RBM10: variants seen among roughly 807,000 people sequenced by gnomAD.
RBM10 encodes RNA binding motif protein 10.
Under a neutral mutation model 84.9 loss-of-function variants are expected in RBM10, and 1 was observed. The ratio of observed to expected loss-of-function variants is 0.01; its 90% CI spans 0.00 to 0.06. RBM10 has a LOEUF of 0.06. RBM10 is among the 10% of genes least tolerant of loss of function. The pLI is 1.00. For missense variants in RBM10, 438 were observed against 839.0 expected (o/e 0.52, Z 5.90); for synonymous variants, 326 against 344.5 (o/e 0.95, Z 0.60).
At chrX:47,152,561 C>T (rs1463530573) in intron 2 of RBM10, among the ~76,000 whole-genome samples, 1 of 103,770 alleles carries the variant, frequency 9.6e-6, no homozygotes, top group African/African-American at 3.6e-5. Context: ...ATTCTCCTGC[C>T]TCAGCCTTCC....
rs1263748348 is a variant in RBM10 at position 47,185,046 on chromosome X, C to T, written c.1951-9C>T. 1.7e-6 allele frequency: 2 copies of T among 1,204,599 alleles called. No individual in the cohort carries two copies. ...GTTCTGGGAACCTCACCTCCACCCT[C>T]ACCCCCAGATTGCCAAGGACATGGA... On this transcript the variant is annotated splice_polypyrimidine_tract_variant and intron_variant, in intron 17 of 23. Transcript: ENST00000377604.
chrX:47,186,654 G>A lies in RBM10; in HGVS notation c.*55G>A, dbSNP rs2147229796. 2 of 1,199,967 alleles carry A rather than the reference G, an allele frequency of 1.7e-6. No homozygotes were observed. Among genetic ancestry groups the A allele is most frequent in the Admixed American group, 4.3e-5 (2 of 46,030 alleles). ...TGGGTGTCCATCCTGGGGCAGGGAA[G>A]GACAGAGTGTTGGATGGCTGGGACG... On this transcript the variant is annotated 3_prime_UTR_variant, in exon 24 of 24. Coordinates refer to ENST00000377604, the MANE Select transcript of RBM10 (RefSeq NM_005676.5).
At chrX:47,161,790 C>T (rs1933723409) in intron 2 of RBM10, among the ~76,000 whole-genome samples, 1 of 110,637 alleles carries the variant, frequency 9.0e-6, no homozygotes, top group Non-Finnish European at 1.9e-5. Context: ...CCTCATCCTC[C>T]CAAAGTGCTG....
At chrX:47,162,088 G>A (rs889422925) in intron 2 of RBM10, among the ~76,000 whole-genome samples, 2 of 111,852 alleles carry the variant, frequency 1.8e-5, no homozygotes, top group Non-Finnish European at 3.8e-5. Context: ...TGATCCGCCT[G>A]CCTTGGCCTC....
intron 3 of RBM10, 66 bp from the exon 4 acceptor site, chrX:47,170,962 G>A: frequency 9.0e-7 from 1 of 1,113,902 alleles, no homozygotes. Flanking sequence ...AGAGCCAGCG[G>A]CCAGCTCCTA....
At chrX:47,179,272 T>G in intron 8 of RBM10, 47 bp from the exon 9 acceptor site, 1 of 1,186,545 alleles carries the variant, frequency 8.4e-7, no homozygotes, top group Non-Finnish European at 1.1e-6. Context: ...TGACCAGTCG[T>G]GGAGCCTTCC....
intron 2 of RBM10, among the ~76,000 whole-genome samples, chrX:47,150,890 T>A (rs1406435826): frequency 8.9e-6 from 1 of 112,020 alleles, no homozygotes; most frequent in Non-Finnish European, 1.9e-5. Context: ...AACTTCTCTA[T>A]TAATTTGGGG....
intron 2 of RBM10, among the ~76,000 whole-genome samples, chrX:47,166,067 C>G (rs185047434): frequency 1.8e-5 from 2 of 110,167 alleles, no homozygotes; most frequent in Non-Finnish European, 3.8e-5. Context: ...TATATTTTAC[C>G]ACAATACAAA....
At chrX:47,183,508 C>T (rs1484823234) in intron 17 of RBM10, among the ~76,000 whole-genome samples, 15 of 107,808 alleles carry the variant, frequency 1.4e-4, no homozygotes, top group African/African-American at 4.4e-4. Flanking sequence ...GCAACAAGAA[C>T]GAGACTCCTT....
At chrX:47,173,915 C>CTCTG (rs1934884094) in intron 5 of RBM10, among the ~76,000 whole-genome samples, 2 of 100,708 alleles carry the variant, frequency 2.0e-5, no homozygotes, top group South Asian at 1.0e-3. Context: ...CTCTCTCTCT[C>CTCTG]TCTCTCTCTC....
intron 2 of RBM10, among the ~76,000 whole-genome samples, chrX:47,152,726 C>T (rs946342618): frequency 9.4e-6 from 1 of 106,079 alleles, no homozygotes; most frequent in Non-Finnish European, 1.9e-5. Flanking sequence ...GAATTACAGG[C>T]GTGAGCTACC....
chrX:47,156,934 C>T (rs782175207), intron 2 of RBM10: 5 of 216,529 alleles, frequency 2.3e-5, no homozygotes, highest in South Asian at 6.0e-5. Context: ...AAAATGGTGG[C>T]GATGTGGTTC....
chrX:47,181,893 G>T (rs375668160), intron 15 of RBM10, 27 bp downstream of exon 15: 1 of 1,209,422 alleles, frequency 8.3e-7, no homozygotes, highest in Non-Finnish European at 1.1e-6. Flanking sequence ...TGTGGGTAGG[G>T]GTGGGGAGTT....
intron 2 of RBM10, among the ~76,000 whole-genome samples, chrX:47,156,174 G>A (rs1003823779): frequency 2.6e-4 from 29 of 110,190 alleles, no homozygotes; most frequent in Middle Eastern, 4.6e-3. Flanking sequence ...TAAGTTTCTC[G>A]TATTTTTTAC....
intron 6 of RBM10, 69 bp downstream of exon 6, chrX:47,175,161 T>G: frequency 2.7e-6 from 2 of 747,772 alleles, no homozygotes; most frequent in Non-Finnish European, 3.8e-6. Context: ...CCCCATCGCC[T>G]GATTCTTATG....
At chrX:47,164,090 C>T (rs1300208420) in intron 2 of RBM10, among the ~76,000 whole-genome samples, 4 of 108,386 alleles carry the variant, frequency 3.7e-5, no homozygotes, top group African/African-American at 1.0e-4. Flanking sequence ...AGGATTGTCT[C>T]GATCTCCTGA....
chrX:47,177,727 A>G (rs1158413071), intron 7 of RBM10, among the ~76,000 whole-genome samples: 1 of 110,544 alleles, frequency 9.0e-6, no homozygotes, highest in African/African-American at 3.3e-5. Context: ...ATCAGCCTCC[A>G]GAGTAGCTGG....
intron 17 of RBM10, 69 bp from the exon 18 acceptor site, chrX:47,184,986 C>A (rs1602602235): frequency 1.8e-6 from 2 of 1,128,239 alleles, no homozygotes; most frequent in South Asian, 3.8e-5. Context: ...GGCAGTGGGT[C>A]AGCAGATAGA....
rs1308446046 is a variant in RBM10 at position 47,176,531 on chromosome X, C to T, written c.608C>T (p.Ser203Leu). 3 of 1,211,295 alleles carry T rather than the reference C, an allele frequency of 2.5e-6. No homozygotes were observed. Among genetic ancestry groups the T allele is most frequent in the Non-Finnish European group, 3.4e-6 (3 of 895,446 alleles). Residue 203 changes from serine to leucine, a missense_variant, in exon 7 of 24, where the codon TCG becomes TTG. Ser to Leu is a moderately radical substitution (Grantham distance 145, BLOSUM62 -2). Transcript: ENST00000377604. ...CTCAACATCCTGGGCCAGAAGGTGTCGATGCACTACAGTGACCCCAAGCCC... is the reference window on the plus strand; with the variant it reads ...CTCAACATCCTGGGCCAGAAGGTGTTGATGCACTACAGTGACCCCAAGCCC... ...HSLNILGQKVSMHYSDPKPKI... is the reference protein window; with the variant it reads ...HSLNILGQKVLMHYSDPKPKI...
Sources: gnomAD v4.1 joint callset for allele counts (sites outside exome capture counted in the v4.1 genomes callset) on GRCh38, gnomAD v4.1.1 for gene constraint, MANE v1.5 for transcripts, NCBI Gene and HGNC (gene_info 2026-07-23, HGNC 2026-07-21) for gene names.